The following SLC13A1 variants were observed in gnomAD, a reference collection of about 807,000 sequenced individuals.
The protein encoded by SLC13A1 is solute carrier family 13 member 1, also known as Na(+)/sulfate cotransporter.
In SLC13A1, 65 loss-of-function variants were observed where a neutral mutation model predicts 70.0. The observed-to-expected ratio is 0.93, with a 90% CI of 0.76 to 1.14. SLC13A1 has a LOEUF of 1.14. SLC13A1 is among the 50% of genes most tolerant of loss of function. SLC13A1 has a pLI of 0.00. For missense variants in SLC13A1, 726 were observed against 717.8 expected, an observed-to-expected ratio of 1.01 and a Z score of -0.13; for synonymous variants, 275 against 250.5, an observed-to-expected ratio of 1.10 and a Z score of -0.92.
Position 123,191,747 on chromosome 7 carries a change from A to G in SLC13A1, c.99+8101T>C, listed in dbSNP as rs986274914. On this transcript the variant is annotated intron_variant, in intron 1 of 14. Coordinates refer to ENST00000194130, the MANE Select transcript of SLC13A1 (RefSeq NM_022444.4). ...CTCGCCAAGATTCTTTGGGGTAGAT[A>G]TTGTAATTCCATGCTGAACTAAGGT... Among the ~76,000 whole-genome samples the G allele has an allele frequency of 1.7e-4, 26 of 152,140 alleles. 1 individual carries two copies. The highest frequency in any genetic ancestry group is 1.3e-4 in the Admixed American group (2 of 15,278).
At chr7:123,117,991 A>G (rs893214956) in intron 13 of SLC13A1, among the ~76,000 whole-genome samples, 3 of 151,362 alleles carry the variant, frequency 2.0e-5, no homozygotes, top group Non-Finnish European at 2.9e-5. Flanking sequence ...TAAATGTCAC[A>G]TATTTATATA....
chr7:123,177,182 T>C (rs957282413), intron 2 of SLC13A1, among the ~76,000 whole-genome samples: 2 of 152,120 alleles, frequency 1.3e-5, no homozygotes, highest in African/African-American at 4.8e-5. Context: ...AACTCCATTT[T>C]CCCAATTGGC....
chr7:123,193,288 A>G (rs1341734758), intron 1 of SLC13A1, among the ~76,000 whole-genome samples: 2 of 150,254 alleles, frequency 1.3e-5, no homozygotes, highest in Non-Finnish European at 3.0e-5. Flanking sequence ...AACTTTTTAA[A>G]AAGAGCCTTG....
intron 2 of SLC13A1, among the ~76,000 whole-genome samples, chr7:123,173,556 G>A (rs1448480644): frequency 7.2e-6 from 1 of 138,066 alleles, no homozygotes; most frequent in East Asian, 2.1e-4. Flanking sequence ...CAAATATCAG[G>A]CCTTTCTAAA....
chr7:123,129,554 T>C (rs1440431257), intron 8 of SLC13A1, 73 bp from the exon 9 acceptor site: 1 of 1,122,558 alleles, frequency 8.9e-7, no homozygotes, highest in Non-Finnish European at 1.4e-6. Context: ...GATATTTTTG[T>C]AAAACGTTGT....
chr7:123,166,436 T>A (rs1368718108), intron 6 of SLC13A1, among the ~76,000 whole-genome samples: 1 of 152,052 alleles, frequency 6.6e-6, no homozygotes, highest in Non-Finnish European at 1.5e-5. Flanking sequence ...GGTACATGTG[T>A]ACAATGTGCA....
In SLC13A1 at chr7:123,162,026, C is replaced by CT. The variant is rs74273952; in HGVS notation, c.660+6347dup. 6.7e-3 allele frequency among the ~76,000 whole-genome samples: 878 copies of CT among 131,076 alleles called. 7 individuals carry two copies. The highest frequency in any genetic ancestry group is 0.037 in the East Asian group (164 of 4,438). The allele number at this position is 131,076 out of a possible 152,430, so 86.0% of individuals were successfully genotyped here. A position where few individuals can be genotyped will look rare whatever the true frequency, so the allele number is the denominator to read the frequency against. On this transcript the variant is annotated intron_variant, in intron 6 of 14. Coordinates refer to ENST00000194130, the MANE Select transcript of SLC13A1 (RefSeq NM_022444.4). ...AATCAATTTGGAGACAAACATATTT[C>CT]TTTTTTTTTTTTTTTTAGAAAATAC...
At chr7:123,189,315 A>G (rs1795923596) in intron 1 of SLC13A1, among the ~76,000 whole-genome samples, 1 of 151,956 alleles carries the variant, frequency 6.6e-6, no homozygotes, top group Non-Finnish European at 1.5e-5. Context: ...TCATGTTGCT[A>G]CATATTTTCT....
intron 7 of SLC13A1, among the ~76,000 whole-genome samples, chr7:123,142,681 G>A (rs12112113): frequency 1.7e-3 from 191 of 109,176 alleles, no homozygotes; most frequent in African/African-American, 5.5e-3. Flanking sequence ...GCAGTAGCGC[G>A]ATCTTGGCTC....
chr7:123,134,281 A>T, intron 8 of SLC13A1, 129 bp downstream of exon 8: 1 of 729,124 alleles, frequency 1.4e-6, no homozygotes, highest in Non-Finnish European at 2.2e-6. Flanking sequence ...TGTGTGTATT[A>T]ATTTTGTGAG....
intron 6 of SLC13A1, among the ~76,000 whole-genome samples, chr7:123,158,329 ATAAAT>A (rs1434561920): frequency 2.0e-5 from 3 of 152,188 alleles, no homozygotes; most frequent in East Asian, 1.9e-4. Flanking sequence ...TAGAGTTTAC[ATAAAT>A]TAAATTTAAA....
chr7:123,118,884 A>G (rs1417532222), intron 13 of SLC13A1, among the ~76,000 whole-genome samples, 197 bp downstream of exon 13: 1 of 152,096 alleles, frequency 6.6e-6, no homozygotes. Flanking sequence ...TGCTGCTTGA[A>G]CATGAAAACT....
At chr7:123,137,364 T>A (rs1793986966) in intron 7 of SLC13A1, among the ~76,000 whole-genome samples, 2 of 152,206 alleles carry the variant, frequency 1.3e-5, no homozygotes, top group South Asian at 4.1e-4. Context: ...GTGAAGGGAT[T>A]TTACTTAGGT....
Position 123,117,574 on chromosome 7 carries a change from A to G in SLC13A1, c.1547T>C (p.Leu516Pro), listed in dbSNP as rs1793223438. 4.3e-6 allele frequency: 7 copies of G among 1,611,842 alleles called. No individual in the cohort carries two copies. Among genetic ancestry groups the G allele is most frequent in the Non-Finnish European group, 5.1e-6 (6 of 1,178,298 alleles). ...TGAAGTACACAGAGTAGAAGGTATC[A>G]GAATATAAAGAGGGTTCACATGAAT... Reference protein sequence around the residue: ...EAIHVNPLYILIPSTLCTSFA... With the variant: ...EAIHVNPLYIPIPSTLCTSFA... Residue 516 changes from leucine to proline, a missense_variant, in exon 14 of 15, where the codon CTG (leucine) becomes CCG (proline). Physicochemically the swap from Leu to Pro is moderately conservative, Grantham distance 98 (BLOSUM62 -3). Transcript: ENST00000194130.
At chr7:123,143,377 G>C (rs1056852742) in intron 7 of SLC13A1, among the ~76,000 whole-genome samples, 1 of 152,198 alleles carries the variant, frequency 6.6e-6, no homozygotes, top group South Asian at 2.1e-4. Flanking sequence ...TTAGCCCGCA[G>C]TGGTGAGGGT....
chr7:123,190,004 G>A (rs1795944593), intron 1 of SLC13A1, among the ~76,000 whole-genome samples: 1 of 152,040 alleles, frequency 6.6e-6, no homozygotes, highest in African/African-American at 2.4e-5. Context: ...TTTCGGTAAT[G>A]TCTTTTATAC....
At chr7:123,147,635 G>A (rs1466557442) in intron 6 of SLC13A1, among the ~76,000 whole-genome samples, 3 of 151,978 alleles carry the variant, frequency 2.0e-5, no homozygotes, top group Admixed American at 6.6e-5. Flanking sequence ...CACTGACCCT[G>A]CCAGACCCTG....
chr7:123,126,323 C>A (rs1793558121), intron 10 of SLC13A1, among the ~76,000 whole-genome samples: 1 of 152,058 alleles, frequency 6.6e-6, no homozygotes, highest in Non-Finnish European at 1.5e-5. Flanking sequence ...CAAATGATCA[C>A]CATATAAATT....
At chr7:123,122,722 A>G (rs1793425399) in intron 12 of SLC13A1, among the ~76,000 whole-genome samples, 1 of 152,124 alleles carries the variant, frequency 6.6e-6, no homozygotes, top group Admixed American at 6.6e-5. Context: ...TAGCATCATG[A>G]TATACTGAAG....
Sources: gnomAD v4.1 joint callset for allele counts (sites outside exome capture counted in the v4.1 genomes callset) on GRCh38, gnomAD v4.1.1 for gene constraint, MANE v1.5 for transcripts, NCBI Gene and HGNC (gene_info 2026-07-23, HGNC 2026-07-21) for gene names.